ELP3: variants seen among roughly 807,000 people sequenced by gnomAD.
ELP3 encodes elongator complex protein 3.
In ELP3, 56 loss-of-function variants were observed where a neutral mutation model predicts 74.9. The ratio of observed to expected loss-of-function variants is 0.75; its 90% CI spans 0.60 to 0.93. ELP3 has a LOEUF of 0.93. Ranked by LOEUF, ELP3 falls within the 40% of genes least tolerant of loss-of-function variation. The pLI is 0.00. For synonymous variants in ELP3, 222 were observed against 239.8 expected (o/e 0.93, Z 0.68); for missense variants, 573 against 686.5 (o/e 0.83, Z 1.85).
Position 28,190,479 on chromosome 8 carries a change from G to C in ELP3, c.*754G>C, listed in dbSNP as rs561842268. 1.3e-5 allele frequency: 2 copies of C among 152,196 alleles called. No individual in the cohort carries two copies. Among genetic ancestry groups the C allele is most frequent in the African/African-American group, 4.8e-5 (2 of 41,404 alleles). The allele number at this position is 152,196 out of a possible 1,614,324, so 9.4% of individuals were successfully genotyped here. ...GCCCCAAGTGTGGTCCCCAGAGAGC[G>C]TTTGGCTTTCCTGTCTGTCTATCCT... is the stretch of plus-strand genomic sequence containing the variant. On this transcript the variant is annotated 3_prime_UTR_variant, in exon 15 of 15. Coordinates refer to ENST00000256398, the MANE Select transcript of ELP3 (RefSeq NM_018091.6).
At chr8:28,102,256 G>GTATA (rs1459666658) in intron 3 of ELP3, among the ~76,000 whole-genome samples, 1 of 152,178 alleles carries the variant, frequency 6.6e-6, no homozygotes, top group East Asian at 1.9e-4. Context: ...ACCTCCTGAA[G>GTATA]TATAGCATAA....
intron 1 of ELP3, among the ~76,000 whole-genome samples, chr8:28,096,482 G>T (rs1182918074): frequency 1.3e-5 from 2 of 152,134 alleles, no homozygotes; most frequent in African/African-American, 2.4e-5. Flanking sequence ...TTTTGTCCCT[G>T]GAAAAAGACT....
chr8:28,158,704 T>C, intron 12 of ELP3, 71 bp downstream of exon 12: 1 of 1,259,708 alleles, frequency 7.9e-7, no homozygotes, highest in South Asian at 1.2e-5. Flanking sequence ...GCCCACATAT[T>C]CTTAACCAAG....
chr8:28,158,685 C>G (rs924556203), intron 12 of ELP3, 52 bp downstream of exon 12: 26 of 1,412,194 alleles, frequency 1.8e-5, no homozygotes, highest in Non-Finnish European at 2.2e-5. Flanking sequence ...AGATCTTTGC[C>G]AACCCTGGGC....
intron 9 of ELP3, among the ~76,000 whole-genome samples, chr8:28,134,188 T>A (rs1812892811): frequency 6.6e-6 from 1 of 152,102 alleles, no homozygotes. Flanking sequence ...TTAGCACAGC[T>A]CCTAGGGAGA....
intron 10 of ELP3, among the ~76,000 whole-genome samples, chr8:28,149,345 G>A (rs1813555683): frequency 6.6e-6 from 1 of 152,186 alleles, no homozygotes; most frequent in Non-Finnish European, 1.5e-5. Flanking sequence ...TAAATGTTTG[G>A]TAGAATTCAC....
chr8:28,177,556 T>C (rs1396407779), intron 14 of ELP3, among the ~76,000 whole-genome samples: 1 of 152,236 alleles, frequency 6.6e-6, no homozygotes, highest in Non-Finnish European at 1.5e-5. Context: ...AATTAAACAA[T>C]CATAAATCAT....
At position 28,189,848 on chromosome 8, in the gene ELP3, G is replaced by T. The variant is rs1021028240; in HGVS notation, c.*123G>T. ...TGGGGGGCTTCACCCTCATCCCGCAGCTGCAGAGACTGGAAACTGCCTTCA... is the reference window on the plus strand; with the variant it reads ...TGGGGGGCTTCACCCTCATCCCGCATCTGCAGAGACTGGAAACTGCCTTCA... On this transcript the variant is annotated 3_prime_UTR_variant, in exon 15 of 15. Coordinates refer to ENST00000256398, the MANE Select transcript of ELP3 (RefSeq NM_018091.6). 9.4e-7 allele frequency: 1 copy of T among 1,064,546 alleles called. No individual in the cohort carries two copies. The highest frequency in any genetic ancestry group is 1.6e-5 in the African/African-American group (1 of 63,544). The allele number at this position is 1,064,546 out of a possible 1,614,324, so 65.9% of individuals were successfully genotyped here.
chr8:28,173,896 C>T (rs375231520), intron 14 of ELP3, among the ~76,000 whole-genome samples: 27 of 152,064 alleles, frequency 1.8e-4, no homozygotes, highest in Admixed American at 5.2e-4. Flanking sequence ...TTTCTGCATA[C>T]TTATGAGTTT....
At chr8:28,104,649 A>G (rs912060941) in intron 3 of ELP3, among the ~76,000 whole-genome samples, 2 of 152,192 alleles carry the variant, frequency 1.3e-5, no homozygotes, top group African/African-American at 4.8e-5. Flanking sequence ...CTGTTTTCTC[A>G]TCATGAGATT....
rs146779413 is a variant in ELP3 at position 28,147,387 on chromosome 8, G to T, written c.1101-8555G>T. On this transcript the variant is annotated intron_variant, in intron 10 of 14. Transcript: ENST00000256398. This position sits in a 1 kb window ranked among gnomAD's most constrained non-coding sequence, Gnocchi z 4.5. ...GAGTGCAGAGATGGCAACTGCAGTT[G>T]TTGGGAGATTAGTTACATTGAGCAA... Among the ~76,000 whole-genome samples the T allele has an allele frequency of 1.3e-5, 2 of 152,214 alleles. No individual in the cohort carries two copies. The highest frequency in any genetic ancestry group is 2.9e-5 in the Non-Finnish European group (2 of 68,034).
Position 28,132,476 on chromosome 8 carries a change from T to A in ELP3, c.906+72T>A, listed in dbSNP as rs1812820457. 3 of 1,589,178 alleles carry A rather than the reference T, an allele frequency of 1.9e-6. No individual in the cohort carries two copies. The Admixed American group carries it at 5.1e-5, about 27-fold the overall frequency. ...TCTTATCCCATCTGGTCTTGTTGCT[T>A]GTTCACTGTTGATGTTTTCCAGTGT... On this transcript the variant is annotated intron_variant, in intron 9 of 14. Transcript: ENST00000256398.
chr8:28,100,477 CAG>C (rs1285980232), intron 3 of ELP3, among the ~76,000 whole-genome samples: 1 of 152,190 alleles, frequency 6.6e-6, no homozygotes, highest in East Asian at 1.9e-4. Flanking sequence ...AGCAAGGACA[CAG>C]GGGCTAAGGC....
chr8:28,116,002 G>T (rs1444039636), intron 7 of ELP3, among the ~76,000 whole-genome samples: 2 of 152,120 alleles, frequency 1.3e-5, no homozygotes, highest in Non-Finnish European at 2.9e-5. Context: ...CCTAAGAGTG[G>T]TTTTTATTAC....
At chr8:28,158,536 C>A (rs1478082655) in intron 11 of ELP3, 32 bp from the exon 12 acceptor site, 8 of 1,562,228 alleles carry the variant, frequency 5.1e-6, no homozygotes, top group Non-Finnish European at 7.1e-6. Flanking sequence ...CTCCCACCCC[C>A]CAACCCCGCT....
At chr8:28,144,992 A>AGATCGT (rs1813377520) in intron 10 of ELP3, among the ~76,000 whole-genome samples, 1 of 152,192 alleles carries the variant, frequency 6.6e-6, no homozygotes, top group Admixed American at 6.5e-5. Context: ...CAGTGAGCTG[A>AGATCGT]GATCGTGCCA....
chr8:28,185,199 GATA>G (rs1053607887), intron 14 of ELP3, among the ~76,000 whole-genome samples: 17 of 152,184 alleles, frequency 1.1e-4, no homozygotes, highest in African/African-American at 4.1e-4. Flanking sequence ...GTTAGATAGA[GATA>G]ATAATATAAG....
chr8:28,178,615 TTGTG>T (rs1297548217), intron 14 of ELP3, among the ~76,000 whole-genome samples: 1 of 152,240 alleles, frequency 6.6e-6, no homozygotes, highest in African/African-American at 2.4e-5. Flanking sequence ...ATGAATATTC[TTGTG>T]TATGTATTTT....
intron 7 of ELP3, among the ~76,000 whole-genome samples, chr8:28,113,974 T>A (rs971803343): frequency 6.6e-6 from 1 of 152,156 alleles, no homozygotes. Flanking sequence ...TTGACAAAAT[T>A]ATGCATCATT....
Sources: gnomAD v4.1 joint callset for allele counts (sites outside exome capture counted in the v4.1 genomes callset) on GRCh38, gnomAD v4.1.1 for gene constraint, Gnocchi (gnomAD v3.1) non-coding constraint, MANE v1.5 for transcripts, NCBI Gene and HGNC (gene_info 2026-07-23, HGNC 2026-07-21) for gene names.